The following ESRP1 variants were observed in gnomAD, a reference collection of about 807,000 sequenced individuals.
ESRP1 encodes epithelial splicing regulatory protein 1.
In ESRP1, 33 loss-of-function variants were observed where a neutral mutation model predicts 81.7. The ratio of observed to expected loss-of-function variants is 0.40; its 90% CI spans 0.31 to 0.54. The LOEUF is 0.54. ESRP1 is among the 20% of genes least tolerant of loss of function. The pLI, the probability that ESRP1 is intolerant of heterozygous loss-of-function variation, is 0.41. For missense variants in ESRP1, 672 were observed against 833.1 expected (o/e 0.81, Z 2.38); for synonymous variants, 320 against 303.3 (o/e 1.06, Z -0.57).
At chr8:94,658,895 AGTT>A (rs1228317695) in intron 4 of ESRP1, among the ~76,000 whole-genome samples, 3 of 152,126 alleles carry the variant, frequency 2.0e-5, no homozygotes, top group East Asian at 1.9e-4. Context: ...TGTGATTCAC[AGTT>A]GTTGTATTTT....
chr8:94,675,040 A>G (rs1370478410), intron 12 of ESRP1, among the ~76,000 whole-genome samples: 4 of 152,260 alleles, frequency 2.6e-5, no homozygotes, highest in African/African-American at 7.2e-5. Context: ...AAAAAAAACC[A>G]CATAGATTAA....
chr8:94,705,678 G>A, intron 15 of ESRP1: 2 of 467,700 alleles, frequency 4.3e-6, no homozygotes, highest in Non-Finnish European at 7.6e-6. Context: ...TACTACAAAG[G>A]GTAGGAGTGG....
intron 4 of ESRP1, among the ~76,000 whole-genome samples, chr8:94,657,701 A>G (rs1818506079): frequency 6.6e-6 from 1 of 152,204 alleles, no homozygotes; most frequent in African/African-American, 2.4e-5. Flanking sequence ...GAATTCATTA[A>G]AATGATTCTT....
In ESRP1 at chr8:94,706,456, T is replaced by C. The variant is rs1810072976; in HGVS notation, c.*567T>C. 6.5e-6 allele frequency: 1 copy of C among 152,890 alleles called. No homozygotes were observed. The highest frequency in any genetic ancestry group is 2.1e-4 in the South Asian group (1 of 4,848). The allele number at this position is 152,890 out of a possible 1,614,324, so 9.5% of individuals were successfully genotyped here. ...TATTTTCCCAGTCTCTTGGCCATGA[T>C]GATATCTTATGATTAAAAACAAATT... On this transcript the variant is annotated 3_prime_UTR_variant, in exon 16 of 16. Coordinates refer to ENST00000433389, the MANE Select transcript of ESRP1 (RefSeq NM_017697.4).
chr8:94,649,383 G>T (rs1160287046), intron 4 of ESRP1, among the ~76,000 whole-genome samples: 2 of 151,890 alleles, frequency 1.3e-5, no homozygotes, highest in Non-Finnish European at 2.9e-5. Context: ...TTATTTTTTT[G>T]AGATGTAGTC....
At position 94,678,325 on chromosome 8, in the gene ESRP1, C is replaced by A; in HGVS notation, c.1774C>A (p.Pro592Thr). Reference protein sequence around the residue: ...RALQPSTAYYPAGTQLFMNYT... With the variant: ...RALQPSTAYYTAGTQLFMNYT... ...ACTGCAGCCCTCCACAGCGTACTAC[C>A]CAGCAGGCACTCAGCTCTTCATGAA... is the stretch of plus-strand genomic sequence containing the variant. Residue 592 changes from proline to threonine, a missense_variant, in exon 13 of 16, where the codon CCA becomes ACA. Coordinates refer to ENST00000433389, the MANE Select transcript of ESRP1 (RefSeq NM_017697.4). The A allele has an allele frequency of 6.2e-7, 1 of 1,613,980 alleles. No homozygotes were observed. Among genetic ancestry groups the A allele is most frequent in the East Asian group, 2.2e-5 (1 of 44,886 alleles).
At chr8:94,669,565 C>G (rs1198103600) in intron 10 of ESRP1, among the ~76,000 whole-genome samples, 1 of 152,200 alleles carries the variant, frequency 6.6e-6, no homozygotes, top group South Asian at 2.1e-4. Context: ...TACATTCTTA[C>G]AATTTAAAAT....
intron 4 of ESRP1, among the ~76,000 whole-genome samples, chr8:94,656,469 C>A (rs1222284874): frequency 6.6e-6 from 1 of 152,180 alleles, no homozygotes; most frequent in South Asian, 2.1e-4. Flanking sequence ...GATCCGCCCA[C>A]CTTGGCCTCT....
chr8:94,701,289 A>T (rs1563552731), intron 15 of ESRP1, among the ~76,000 whole-genome samples: 1 of 147,680 alleles, frequency 6.8e-6, no homozygotes, highest in East Asian at 1.9e-4. Flanking sequence ...AAAAAAAAAA[A>T]GAATTGAGCG....
At chr8:94,647,222 G>A (rs1817897885) in intron 4 of ESRP1, among the ~76,000 whole-genome samples, 1 of 152,096 alleles carries the variant, frequency 6.6e-6, no homozygotes, top group African/African-American at 2.4e-5. Context: ...CCTTCTTCTT[G>A]GAGTCAGTTA....
At chr8:94,641,640 G>A (rs1393224449) in intron 1 of ESRP1, 190 bp downstream of exon 1, 2 of 831,854 alleles carry the variant, frequency 2.4e-6, no homozygotes, top group South Asian at 1.8e-5. Context: ...AGCCATTTCA[G>A]TCCTCCGCAA....
chr8:94,685,945 C>CCTAT (rs1246067593), intron 13 of ESRP1, among the ~76,000 whole-genome samples: 1 of 152,008 alleles, frequency 6.6e-6, no homozygotes, highest in Non-Finnish European at 1.5e-5. Context: ...AAACTTAATA[C>CCTAT]CTATATATGT....
At chr8:94,642,769 C>T (rs1247135224) in intron 2 of ESRP1, among the ~76,000 whole-genome samples, 1 of 152,086 alleles carries the variant, frequency 6.6e-6, no homozygotes, top group Non-Finnish European at 1.5e-5. Flanking sequence ...TAGGGCGGGG[C>T]GCTAAACACC....
At chr8:94,665,391 G>C (rs1818968482) in intron 9 of ESRP1, among the ~76,000 whole-genome samples, 195 bp downstream of exon 9, 1 of 152,146 alleles carries the variant, frequency 6.6e-6, no homozygotes. Flanking sequence ...CTTGTCCTAA[G>C]GCTTGAGCCA....
chr8:94,670,684 A>T (rs560370720), intron 10 of ESRP1, among the ~76,000 whole-genome samples: 1 of 152,248 alleles, frequency 6.6e-6, no homozygotes, highest in Non-Finnish European at 1.5e-5. Flanking sequence ...GCCTTGTAAT[A>T]TGAGTGTTGC....
At chr8:94,694,835 A>G (rs575696165) in intron 14 of ESRP1, among the ~76,000 whole-genome samples, 1 of 152,270 alleles carries the variant, frequency 6.6e-6, no homozygotes, top group African/African-American at 2.4e-5. Flanking sequence ...ATTTCATCTC[A>G]AGGCATTTGG....
At chr8:94,680,082 C>T (rs753267301) in intron 13 of ESRP1, among the ~76,000 whole-genome samples, 1 of 152,056 alleles carries the variant, frequency 6.6e-6, no homozygotes, top group Non-Finnish European at 1.5e-5. Context: ...GGGATTTTGC[C>T]GTTTTGCCTA....
chr8:94,705,416 C>T (rs1301642083), intron 15 of ESRP1, among the ~76,000 whole-genome samples: 1 of 152,088 alleles, frequency 6.6e-6, no homozygotes, highest in African/African-American at 2.4e-5. Context: ...GATCTGCCTG[C>T]CTCAGCCTCC....
intron 13 of ESRP1, among the ~76,000 whole-genome samples, chr8:94,689,233 A>G (rs1261484158): frequency 1.5e-5 from 2 of 132,206 alleles, no homozygotes; most frequent in African/African-American, 5.8e-5. Flanking sequence ...CCTGGGTGAT[A>G]GCGAGACTCA....
Sources: allele counts gnomAD v4.1 joint callset (sites outside exome capture counted in the v4.1 genomes callset), GRCh38; gene constraint gnomAD v4.1.1; transcripts MANE v1.5; gene names NCBI Gene and HGNC (gene_info 2026-07-23, HGNC 2026-07-21).